ZNF362: variants seen among roughly 807,000 people sequenced by gnomAD.
The protein encoded by ZNF362 is zinc finger protein 362, also known as rotund homolog.
ZNF362 carries 11 observed loss-of-function variants against 42.9 expected under a neutral mutation model. The ratio of observed to expected loss-of-function variants is 0.26; its 90% CI spans 0.16 to 0.42. The LOEUF (loss-of-function observed/expected upper bound fraction) is 0.42, where lower values mean the gene tolerates loss of function less well. Among genes scored for constraint, ZNF362 ranks in the 20% least tolerant of loss-of-function variants. ZNF362 has a pLI of 1.00. For missense variants in ZNF362, 362 were observed against 576.2 expected (o/e 0.63, Z 3.81); for synonymous variants, 255 against 257.3 (o/e 0.99, Z 0.09).
chr1:33,182,385 A>G, the ZNF362 span, among the ~76,000 whole-genome samples: 2,674 of 152,370 alleles, frequency 0.018, 50 homozygotes, highest in African/African-American at 0.054. Context: ...ACAAGAATAT[A>G]TTTGGAATAC....
At chr1:33,132,806 TAGTC>T in the ZNF362 span, among the ~76,000 whole-genome samples, 229 of 152,348 alleles carry the variant, frequency 1.5e-3, 3 homozygotes, top group African/African-American at 5.2e-3. Context: ...GGTTGACACA[TAGTC>T]AGACTAGATG....
intron 1 of ZNF362, among the ~76,000 whole-genome samples, chr1:33,262,097 G>T (rs1645831489): frequency 6.6e-6 from 1 of 152,020 alleles, no homozygotes; most frequent in Admixed American, 6.5e-5. Context: ...GGGCTTTGGA[G>T]GCTGGGTGGA....
the ZNF362 span, among the ~76,000 whole-genome samples, chr1:33,226,643 T>C: frequency 1.3e-5 from 2 of 152,164 alleles, no homozygotes; most frequent in Non-Finnish European, 2.9e-5. Context: ...GGTGGGTGGA[T>C]CACCTGAGGT....
At chr1:33,204,895 T>C in the ZNF362 span, among the ~76,000 whole-genome samples, 1 of 152,194 alleles carries the variant, frequency 6.6e-6, no homozygotes, top group Admixed American at 6.5e-5. Context: ...AAATTAAAAT[T>C]TAAAAACATC....
intron 2 of ZNF362, among the ~76,000 whole-genome samples, chr1:33,272,112 G>C (rs80304058): frequency 0.039 from 5,901 of 152,272 alleles, 159 homozygotes; most frequent in Non-Finnish European, 0.057. Context: ...TGTAAAGGAG[G>C]CTGAGAAAGT....
At chr1:33,151,882 G>A in the ZNF362 span, among the ~76,000 whole-genome samples, 2 of 152,254 alleles carry the variant, frequency 1.3e-5, no homozygotes, top group Non-Finnish European at 2.9e-5. Flanking sequence ...CAGCACAGCT[G>A]CTTGGCAGTG....
the ZNF362 span, among the ~76,000 whole-genome samples, chr1:33,232,362 T>TCTCCTGCCTC: frequency 6.6e-6 from 1 of 152,168 alleles, no homozygotes; most frequent in South Asian, 2.1e-4. Flanking sequence ...CCTCCTGGGT[T>TCTCCTGCCTC]CAAGCGATTC....
the ZNF362 span, among the ~76,000 whole-genome samples, chr1:33,250,475 C>T: frequency 6.6e-6 from 1 of 152,202 alleles, no homozygotes. Context: ...CCTCAGCAAA[C>T]TAATGCAGGA....
chr1:33,275,448 C>A, intron 2 of ZNF362: 1 of 939,394 alleles, frequency 1.1e-6, no homozygotes, highest in Non-Finnish European at 1.3e-6. Flanking sequence ...CGTTGTAGGT[C>A]AGATGTTGCA....
chr1:33,138,580 C>T, the ZNF362 span, among the ~76,000 whole-genome samples: 1 of 149,482 alleles, frequency 6.7e-6, no homozygotes, highest in Non-Finnish European at 1.5e-5. Context: ...CCACTGCATT[C>T]CAGTCTGGGT....
chr1:33,281,518 G>T lies in ZNF362; in HGVS notation c.684-69G>T. On this transcript the variant is annotated intron_variant, in intron 5 of 8. Transcript: ENST00000539719. This position sits in a 1 kb window ranked among gnomAD's most constrained non-coding sequence, Gnocchi z 4.8. ...GTCCCAGGTGCAAGGTCTCTCTGAT[G>T]TAGAAGGCCTCCCCTGAGATGGACA... 4 of 1,503,500 alleles carry T rather than the reference G, an allele frequency of 2.7e-6. No individual in the cohort carries two copies. In the South Asian group the frequency reaches 3.5e-5, roughly 13 times the overall value. 93.1% of individuals were successfully genotyped at this position (1,503,500 alleles called of 1,614,324 possible).
chr1:33,286,187 C>G (rs1646031284), intron 6 of ZNF362, among the ~76,000 whole-genome samples: 1 of 152,202 alleles, frequency 6.6e-6, no homozygotes, highest in South Asian at 2.1e-4. Flanking sequence ...TCTGGAAATG[C>G]CAAGAGCAAT....
chr1:33,202,384 C>G, the ZNF362 span, among the ~76,000 whole-genome samples: 1 of 152,062 alleles, frequency 6.6e-6, no homozygotes, highest in Non-Finnish European at 1.5e-5. Flanking sequence ...ATCACAAGGT[C>G]AGGAGATTGA....
chr1:33,163,245 G>T, the ZNF362 span: 1 of 151,982 alleles, frequency 6.6e-6, no homozygotes, highest in African/African-American at 2.4e-5. Flanking sequence ...CACCATATTG[G>T]CCAGGCTGGT....
the ZNF362 span, among the ~76,000 whole-genome samples, chr1:33,222,529 C>T: frequency 1.3e-5 from 2 of 152,198 alleles, no homozygotes; most frequent in African/African-American, 4.8e-5. Context: ...CATGCCACTG[C>T]TTGTGTAAAA....
chr1:33,259,693 C>G (rs983496550), intron 1 of ZNF362, among the ~76,000 whole-genome samples: 1 of 152,232 alleles, frequency 6.6e-6, no homozygotes, highest in Non-Finnish European at 1.5e-5. Context: ...GTGTAGTCCT[C>G]CAGGGCTCTA....
intron 6 of ZNF362, among the ~76,000 whole-genome samples, chr1:33,292,598 A>G (rs1057313801): frequency 2.0e-5 from 3 of 152,146 alleles, no homozygotes; most frequent in African/African-American, 7.2e-5. Flanking sequence ...TGAATTAGGG[A>G]GGATTCCCTC....
At chr1:33,273,872 T>C (rs1645923681) in intron 2 of ZNF362, among the ~76,000 whole-genome samples, 1 of 152,212 alleles carries the variant, frequency 6.6e-6, no homozygotes, top group African/African-American at 2.4e-5. Flanking sequence ...TTAAAGTCAT[T>C]CTGATTATTA....
chr1:33,206,345 G>T, the ZNF362 span, among the ~76,000 whole-genome samples: 3 of 144,648 alleles, frequency 2.1e-5, no homozygotes, highest in Non-Finnish European at 4.5e-5. Context: ...AGATTTATTG[G>T]ACATAATACC....
Sources: gnomAD v4.1 joint callset for allele counts (sites outside exome capture counted in the v4.1 genomes callset) on GRCh38, gnomAD v4.1.1 for gene constraint, Gnocchi (gnomAD v3.1) non-coding constraint, MANE v1.5 for transcripts, NCBI Gene and HGNC (gene_info 2026-07-23, HGNC 2026-07-21) for gene names.